Variants in CLSTN2 observed in about 807,000 individuals in gnomAD.
CLSTN2 encodes the protein calsyntenin-2.
CLSTN2 carries 48 observed loss-of-function variants against 101.2 expected under a neutral mutation model. The ratio of observed to expected loss-of-function variants is 0.47; its 90% CI spans 0.38 to 0.60. CLSTN2 has a LOEUF of 0.60. Among genes scored for constraint, CLSTN2 ranks in the 20% least tolerant of loss-of-function variants. The pLI, the probability that CLSTN2 is intolerant of heterozygous loss-of-function variation, is 0.00. For missense variants in CLSTN2, 1,160 were observed against 1,238.2 expected (o/e 0.94, Z 0.95); for synonymous variants, 481 against 463.6 (o/e 1.04, Z -0.48).
chr3:140,392,564 A>T (rs2088127561), intron 2 of CLSTN2, among the ~76,000 whole-genome samples: 1 of 152,168 alleles, frequency 6.6e-6, no homozygotes, highest in South Asian at 2.1e-4. Flanking sequence ...TTTAAACTCT[A>T]GTTTCTTGGT....
At chr3:140,225,355 T>C (rs1442163928) in intron 2 of CLSTN2, among the ~76,000 whole-genome samples, 1 of 152,204 alleles carries the variant, frequency 6.6e-6, no homozygotes, top group Admixed American at 6.5e-5. Flanking sequence ...ACTGTTTCCA[T>C]CTGACTTGAG....
At chr3:140,442,765 T>G (rs1932970904) in intron 5 of CLSTN2, among the ~76,000 whole-genome samples, 1 of 152,148 alleles carries the variant, frequency 6.6e-6, no homozygotes, top group Non-Finnish European at 1.5e-5. Flanking sequence ...ATCCTATGTA[T>G]GGCTCCTTAC....
At chr3:140,528,962 G>A (rs1935200307) in intron 8 of CLSTN2, among the ~76,000 whole-genome samples, 1 of 152,200 alleles carries the variant, frequency 6.6e-6, no homozygotes, top group Non-Finnish European at 1.5e-5. Context: ...CATAATAGTT[G>A]ACAGATAGTA....
intron 2 of CLSTN2, among the ~76,000 whole-genome samples, chr3:140,324,560 G>A (rs890751296): frequency 6.6e-6 from 1 of 152,196 alleles, no homozygotes; most frequent in African/African-American, 2.4e-5. Flanking sequence ...GAAACCTGAT[G>A]AATTGGTTTT....
intron 1 of CLSTN2, among the ~76,000 whole-genome samples, chr3:140,099,834 C>A (rs2008935427): frequency 6.6e-6 from 1 of 152,184 alleles, no homozygotes; most frequent in Non-Finnish European, 1.5e-5. Flanking sequence ...AAGTTGAATG[C>A]AGGAGTCAAA....
chr3:139,939,600 G>A (rs547350259), intron 1 of CLSTN2, among the ~76,000 whole-genome samples: 1 of 152,228 alleles, frequency 6.6e-6, no homozygotes, highest in Admixed American at 6.5e-5. Context: ...TGAGGGAAAC[G>A]GACCTTGCTC....
intron 2 of CLSTN2, among the ~76,000 whole-genome samples, chr3:140,280,768 C>T (rs2086838229): frequency 6.6e-6 from 1 of 152,122 alleles, no homozygotes; most frequent in South Asian, 2.1e-4. Context: ...TGTAGGTGCA[C>T]AGGGCACTGG....
intron 2 of CLSTN2, among the ~76,000 whole-genome samples, chr3:140,297,985 A>G (rs2087020339): frequency 6.6e-6 from 1 of 152,248 alleles, no homozygotes; most frequent in South Asian, 2.1e-4. Context: ...CTGCTTTTAT[A>G]CAATTGTAAA....
intron 8 of CLSTN2, among the ~76,000 whole-genome samples, chr3:140,484,584 A>G (rs947602295): frequency 1.4e-4 from 21 of 152,104 alleles, no homozygotes; most frequent in Admixed American, 2.0e-4. Flanking sequence ...CATTCTCCCC[A>G]TCACTTTCAG....
intron 2 of CLSTN2, among the ~76,000 whole-genome samples, chr3:140,323,885 C>T (rs951705107): frequency 1.3e-5 from 2 of 152,184 alleles, no homozygotes; most frequent in Non-Finnish European, 2.9e-5. Context: ...TGAGACTAAG[C>T]TCTTGCTTTT....
intron 2 of CLSTN2, among the ~76,000 whole-genome samples, chr3:140,274,150 T>C (rs770921385): frequency 1.3e-5 from 2 of 152,176 alleles, no homozygotes; most frequent in Non-Finnish European, 2.9e-5. Flanking sequence ...TGGTGCCTTT[T>C]GGCTCCTCCC....
At position 140,171,663 on chromosome 3, in the gene CLSTN2, A is replaced by ATATAATACGTATTATATAT. The variant is rs1559797143; in HGVS notation, c.110-4284_110-4283insATACGTATTATATATTATA. ...TTATATATAATACGTATTATATATTATATATAATATGTATTATATATAATA... is the reference window on the plus strand; with the variant it reads ...TTATATATAATACGTATTATATATTATATAATACGTATTATATATTATATAATATGTATTATATATAATA... On this transcript the variant is annotated intron_variant, in intron 1 of 16. Coordinates refer to ENST00000458420, the MANE Select transcript of CLSTN2 (RefSeq NM_022131.3). Among the ~76,000 whole-genome samples the ATATAATACGTATTATATAT allele has an allele frequency of 4.6e-4, 7 of 15,294 alleles. 1 individual carries two copies. Among genetic ancestry groups the ATATAATACGTATTATATAT allele is most frequent in the East Asian group, 0.056 (1 of 18 alleles). The allele number at this position is 15,294 out of a possible 152,430, so 10.0% of individuals were successfully genotyped here. A position where few individuals can be genotyped will look rare whatever the true frequency, so the allele number is the denominator to read the frequency against.
At position 140,482,253 on chromosome 3, in the gene CLSTN2, A is replaced by C. The variant is rs1393346894; in HGVS notation, c.1344+15522A>C. Among the ~76,000 whole-genome samples the C allele has an allele frequency of 5.9e-5, 9 of 152,308 alleles. No homozygotes were observed. The East Asian group carries it at 1.3e-3, about 23-fold the overall frequency. ...TTTGTTTATATGCTGGATTACGTTTATGATTTTCGTATGTTGATCCAGCCT... is the reference window on the plus strand; with the variant it reads ...TTTGTTTATATGCTGGATTACGTTTCTGATTTTCGTATGTTGATCCAGCCT... On this transcript the variant is annotated intron_variant, in intron 8 of 16. Transcript: ENST00000458420.
chr3:139,966,125 G>T (rs549427080), intron 1 of CLSTN2, among the ~76,000 whole-genome samples: 1 of 152,210 alleles, frequency 6.6e-6, no homozygotes, highest in South Asian at 2.1e-4. Context: ...GGCTCCACAG[G>T]GCCAGTGTTG....
chr3:140,383,159 A>C (rs2088005565), intron 2 of CLSTN2, among the ~76,000 whole-genome samples: 1 of 152,190 alleles, frequency 6.6e-6, no homozygotes, highest in Non-Finnish European at 1.5e-5. Context: ...AGAAAATCTA[A>C]CTAAAAGGTT....
chr3:139,955,225 A>G (rs1935372980), intron 1 of CLSTN2, among the ~76,000 whole-genome samples: 1 of 148,926 alleles, frequency 6.7e-6, no homozygotes, highest in Non-Finnish European at 1.5e-5. Context: ...ATTGTGTGTG[A>G]ATAGTGTATG....
chr3:140,563,759 C>G (rs1235739813), intron 15 of CLSTN2, among the ~76,000 whole-genome samples: 4 of 152,146 alleles, frequency 2.6e-5, no homozygotes, highest in Admixed American at 6.5e-5. Context: ...CTAACTATTA[C>G]TCATAGGATA....
intron 1 of CLSTN2, among the ~76,000 whole-genome samples, chr3:139,952,719 C>T (rs1213257617): frequency 1.3e-5 from 2 of 152,178 alleles, no homozygotes; most frequent in Non-Finnish European, 2.9e-5. Context: ...CAGGCCTTTG[C>T]TACCTGTTCG....
chr3:140,412,375 T>C (rs113294621), intron 4 of CLSTN2, among the ~76,000 whole-genome samples: 14 of 152,300 alleles, frequency 9.2e-5, no homozygotes, highest in African/African-American at 3.4e-4. Flanking sequence ...GGAGGTCACA[T>C]GTTCACTGAA....
Sources: allele counts gnomAD v4.1 joint callset (sites outside exome capture counted in the v4.1 genomes callset), GRCh38; gene constraint gnomAD v4.1.1; transcripts MANE v1.5; gene names NCBI Gene and HGNC (gene_info 2026-07-23, HGNC 2026-07-21).